Variants in NOL4L observed in about 807,000 individuals in gnomAD.
The protein encoded by NOL4L is nucleolar protein 4 like.
Under a neutral mutation model 64.5 loss-of-function variants are expected in NOL4L, and 7 were observed. That is an observed-to-expected ratio of 0.11 (90% CI 0.06 to 0.20). The LOEUF is 0.20. Among genes scored for constraint, NOL4L ranks in the 10% least tolerant of loss-of-function variants. The pLI, the probability that NOL4L is intolerant of heterozygous loss-of-function variation, is 1.00. For missense variants in NOL4L, 680 were observed against 967.1 expected, an observed-to-expected ratio of 0.70 and a Z score of 3.94; for synonymous variants, 413 against 401.0, an observed-to-expected ratio of 1.03 and a Z score of -0.36.
chr20:32,499,624 A>G (rs2016836336), intron 4 of NOL4L, among the ~76,000 whole-genome samples: 1 of 151,356 alleles, frequency 6.6e-6, no homozygotes, highest in South Asian at 2.1e-4. Context: ...CTGTAGTCCC[A>G]GCTACTCAGT....
At chr20:32,545,029 C>T (rs917148949) in intron 1 of NOL4L, among the ~76,000 whole-genome samples, 1 of 152,178 alleles carries the variant, frequency 6.6e-6, no homozygotes, top group Non-Finnish European at 1.5e-5. Context: ...AGGTCCTAAG[C>T]AGGAGGTCTC....
chr20:32,561,287 G>A (rs1035005163), intron 1 of NOL4L: 13 of 152,366 alleles, frequency 8.5e-5, no homozygotes, highest in African/African-American at 3.1e-4. Context: ...GGGAGGATGA[G>A]GGGAACCTGC....
At chr20:32,539,506 G>A (rs544314024) in intron 1 of NOL4L, among the ~76,000 whole-genome samples, 1 of 152,246 alleles carries the variant, frequency 6.6e-6, no homozygotes, top group Non-Finnish European at 1.5e-5. Flanking sequence ...TCCACGTGAT[G>A]ACCTTGCACA....
At chr20:32,497,689 T>C (rs73105800) in intron 4 of NOL4L, among the ~76,000 whole-genome samples, 1 of 152,198 alleles carries the variant, frequency 6.6e-6, no homozygotes, top group Non-Finnish European at 1.5e-5. Context: ...TCTGGATGTT[T>C]TGAGCTGCTC....
At position 32,488,753 on chromosome 20, in the gene NOL4L, TCC is replaced by T. The variant is rs1422514614; in HGVS notation, c.700-14013_700-14012del. ...CTTTCTTTTCTTTCTTTCTTTTCCT[TCC>T]TTCCTTCCTTCCTTCCTTCCTTCCT... On this transcript the variant is annotated intron_variant, in intron 4 of 10. Coordinates refer to ENST00000621426, the MANE Select transcript of NOL4L (RefSeq NM_001256798.2). 4.0e-3 allele frequency among the ~76,000 whole-genome samples: 201 copies of T among 50,526 alleles called. 1 individual carries two copies. Among genetic ancestry groups the T allele is most frequent in the African/African-American group, 0.023 (170 of 7,242 alleles). The allele number at this position is 50,526 out of a possible 152,430, so 33.1% of individuals were successfully genotyped here. A position where few individuals can be genotyped will look rare whatever the true frequency, so the allele number is the denominator to read the frequency against.
At chr20:32,487,996 C>T (rs2016167290) in intron 4 of NOL4L, among the ~76,000 whole-genome samples, 1 of 151,168 alleles carries the variant, frequency 6.6e-6, no homozygotes. Context: ...GTGGCACGAT[C>T]TGGGCTCACT....
chr20:32,576,147 AG>A (rs1980090235), intron 1 of NOL4L, among the ~76,000 whole-genome samples: 1 of 152,018 alleles, frequency 6.6e-6, no homozygotes, highest in South Asian at 2.1e-4. Flanking sequence ...GGAGTCTTGG[AG>A]GGTTCTGGAC....
chr20:32,488,834 T>C (rs866480728), intron 4 of NOL4L, among the ~76,000 whole-genome samples: 2,597 of 64,258 alleles, frequency 0.04, 153 homozygotes, highest in African/African-American at 0.075. Flanking sequence ...TCTTTTTCTT[T>C]CTTTCTTTCT....
At chr20:32,504,083 A>G (rs2017033463) in intron 4 of NOL4L, among the ~76,000 whole-genome samples, 1 of 152,036 alleles carries the variant, frequency 6.6e-6, no homozygotes, top group African/African-American at 2.4e-5. Context: ...TACATTTATC[A>G]TATTCCTTTA....
At chr20:32,522,110 G>T (rs916132842) in intron 2 of NOL4L, among the ~76,000 whole-genome samples, 2 of 152,216 alleles carry the variant, frequency 1.3e-5, no homozygotes, top group Non-Finnish European at 2.9e-5. Context: ...GTGGAGTTGT[G>T]GGGGGATGCA....
chr20:32,469,371 CT>C (rs2014833671), intron 5 of NOL4L, among the ~76,000 whole-genome samples: 6 of 144,286 alleles, frequency 4.2e-5, no homozygotes, highest in African/African-American at 1.6e-4. Flanking sequence ...ATTTTTTTTT[CT>C]TTTTTTTCTT....
chr20:32,536,943 G>A, intron 1 of NOL4L: 1 of 527,144 alleles, frequency 1.9e-6, no homozygotes, highest in Non-Finnish European at 2.4e-6. Context: ...CGCTCACCTG[G>A]AGACCGCGCC....
intron 1 of NOL4L, among the ~76,000 whole-genome samples, chr20:32,557,081 T>TGG (rs1246969012): frequency 6.6e-6 from 1 of 152,162 alleles, no homozygotes; most frequent in Non-Finnish European, 1.5e-5. Flanking sequence ...TTCTACCTGG[T>TGG]GGGGATATGT....
chr20:32,488,809 C>T lies in NOL4L; in HGVS notation c.700-14067G>A, dbSNP rs55750662. ...TTCCTTCCTTTCTTTCTTTCTTTTT[C>T]TTTCTTTCTTTCTTTCTTTTTCTTT... On this transcript the variant is annotated intron_variant, in intron 4 of 10. Transcript: ENST00000621426. 2.6e-3 allele frequency among the ~76,000 whole-genome samples: 67 copies of T among 25,624 alleles called. 1 individual carries two copies. The highest frequency in any genetic ancestry group is 5.4e-3 in the South Asian group (4 of 746). The allele number at this position is 25,624 out of a possible 152,430, so 16.8% of individuals were successfully genotyped here.
intron 1 of NOL4L, among the ~76,000 whole-genome samples, chr20:32,569,097 G>C (rs1979609002): frequency 6.6e-6 from 1 of 152,166 alleles, no homozygotes; most frequent in Non-Finnish European, 1.5e-5. Flanking sequence ...ACACAGCTTT[G>C]TCAGATGTTC....
rs1473657254 is a variant in NOL4L, at chr20:32,464,486, C to T, written c.842-8091G>A. Among the ~76,000 whole-genome samples, 3 of 152,206 alleles carry T rather than the reference C, an allele frequency of 2.0e-5. No individual in the cohort carries two copies. Among genetic ancestry groups the T allele is most frequent in the Non-Finnish European group, 4.4e-5 (3 of 68,034 alleles). On this transcript the variant is annotated intron_variant, in intron 5 of 10. Transcript: ENST00000621426. The surrounding 1 kb of genome is among the most constrained non-coding windows in gnomAD (Gnocchi z 5.6). Reference sequence around the variant, plus strand: ...ACACAGCCTGGCCCGGCCCCAGCCACGGAGCAGGGAGCCCATGCCCCCCAT... The same window carrying T: ...ACACAGCCTGGCCCGGCCCCAGCCATGGAGCAGGGAGCCCATGCCCCCCAT...
Position 32,474,686 on chromosome 20 carries a change from T to C in NOL4L, c.756A>G (p.Ser252=). The change falls in exon 5 of 11, where the codon TCA becomes TCG. Residue 252 remains serine, a synonymous_variant. Transcript: ENST00000621426. ...DFDMSDSTWM[S]ADPHLASSLS... ...GGCTGGAGGCCAGGTGCGGGTCAGC[T>C]GACATCCATGTGGAGTCGCTCATAT... 1 of 1,613,850 alleles carries C rather than the reference T, an allele frequency of 6.2e-7. No individual in the cohort carries two copies. Among genetic ancestry groups the C allele is most frequent in the Non-Finnish European group, 8.5e-7 (1 of 1,179,988 alleles).
At chr20:32,538,605 C>T (rs2018598098) in intron 1 of NOL4L, among the ~76,000 whole-genome samples, 1 of 151,850 alleles carries the variant, frequency 6.6e-6, no homozygotes, top group Non-Finnish European at 1.5e-5. Flanking sequence ...GGGGAGACTG[C>T]ACCCAGAGCT....
chr20:32,478,002 T>C (rs2015498739), intron 4 of NOL4L, among the ~76,000 whole-genome samples: 1 of 152,156 alleles, frequency 6.6e-6, no homozygotes, highest in South Asian at 2.1e-4. Context: ...TAGCTCCAGC[T>C]CTGATAACTG....
Sources: gnomAD v4.1 joint callset for allele counts (sites outside exome capture counted in the v4.1 genomes callset) on GRCh38, gnomAD v4.1.1 for gene constraint, Gnocchi (gnomAD v3.1) non-coding constraint, MANE v1.5 for transcripts, NCBI Gene and HGNC (gene_info 2026-07-23, HGNC 2026-07-21) for gene names.